The following FKBP3 variants were observed in gnomAD, a reference collection of about 807,000 sequenced individuals.
FKBP3 encodes peptidyl-prolyl cis-trans isomerase FKBP3.
FKBP3 carries 21 observed loss-of-function variants against 30.6 expected under a neutral mutation model. The observed-to-expected ratio is 0.69, with a 90% confidence interval of 0.49 to 0.99. The LOEUF is 0.99. Among genes scored for constraint, FKBP3 ranks in the 50% least tolerant of loss-of-function variants. FKBP3 has a pLI of 0.00. For synonymous variants in FKBP3, 82 were observed against 91.3 expected (o/e 0.90, Z 0.58); for missense variants, 283 against 261.6 (o/e 1.08, Z -0.56).
rs552142901 is a variant in FKBP3 at position 45,125,460 on chromosome 14, G to A, written c.319-3840C>T. ...CAAAGATGAAGTTATCAAATTTTTC[G>A]TTTGAGTACTTTTATACTGACTTCT... On this transcript the variant is annotated intron_variant, in intron 3 of 6. Coordinates refer to ENST00000396062, the MANE Select transcript of FKBP3 (RefSeq NM_002013.4). Among the ~76,000 whole-genome samples the A allele has an allele frequency of 1.8e-4, 28 of 152,240 alleles. No individual in the cohort carries two copies. In the South Asian group the frequency reaches 1.9e-3, roughly 10 times the overall value.
intron 4 of FKBP3, 129 bp downstream of exon 4, chr14:45,121,355 TG>T (rs936322383): frequency 1.4e-6 from 1 of 712,684 alleles, no homozygotes; most frequent in Non-Finnish European, 2.3e-6. Context: ...AAGTAGATCT[TG>T]GGGGAAAGTA....
chr14:45,121,384 G>A (rs2139078870), intron 4 of FKBP3, 101 bp downstream of exon 4: 2 of 904,034 alleles, frequency 2.2e-6, no homozygotes, highest in Non-Finnish European at 1.7e-6. Context: ...ATGAAAGTAG[G>A]TGACAGTCAG....
intron 2 of FKBP3, among the ~76,000 whole-genome samples, chr14:45,130,169 C>T (rs1360600356): frequency 6.6e-6 from 1 of 152,016 alleles, no homozygotes; most frequent in Non-Finnish European, 1.5e-5. Context: ...CAACTCATAC[C>T]CAGAGATATA....
At chr14:45,123,602 CTTTTTTTTTTTTTTTTTTT>C (rs200242313) in intron 3 of FKBP3, among the ~76,000 whole-genome samples, 5 of 84,302 alleles carry the variant, frequency 5.9e-5, no homozygotes, top group South Asian at 3.5e-4. Context: ...CTCTCTACTC[CTTTTTTTTTTTTTTTTTTT>C]TTTTTTTTTT....
In FKBP3 at chr14:45,130,716, G is replaced by T; in HGVS notation, c.193C>A (p.His65Asn). The change falls in exon 2 of 7, where the codon CAT (histidine) becomes AAT (asparagine). Residue 65 changes from histidine (H) to asparagine (N), a missense_variant. Physicochemically the swap from His to Asn is moderately conservative, Grantham distance 68. Coordinates refer to ENST00000396062, the MANE Select transcript of FKBP3 (RefSeq NM_002013.4). The part of the protein sequence containing the change: ...NKDHLVTAYN[H>N]LFETKRFKGT... ...ATACTCACCTTAGTTTCAAAAAGAT[G>T]GTTATAGGCTGTAACCAAGTGGTCC... The T allele has an allele frequency of 6.3e-7, 1 of 1,592,222 alleles. No individual in the cohort carries two copies. Among genetic ancestry groups the T allele is most frequent in the East Asian group, 2.3e-5 (1 of 44,256 alleles).
chr14:45,134,212 C>G (rs1885311305), intron 1 of FKBP3, 137 bp downstream of exon 1: 2 of 711,702 alleles, frequency 2.8e-6, no homozygotes, highest in Non-Finnish European at 4.8e-6. Flanking sequence ...ACAAGCTGGG[C>G]CTCTCCGGCC....
chr14:45,131,448 G>C (rs1371054223), intron 1 of FKBP3, among the ~76,000 whole-genome samples: 1 of 151,688 alleles, frequency 6.6e-6, no homozygotes, highest in Non-Finnish European at 1.5e-5. Context: ...CCTGGCCAAC[G>C]TGACAAAACC....
chr14:45,120,168 CTGAGAA>C (rs1884953150), intron 5 of FKBP3, among the ~76,000 whole-genome samples: 1 of 152,130 alleles, frequency 6.6e-6, no homozygotes, highest in African/African-American at 2.4e-5. Flanking sequence ...GTCTGATGTT[CTGAGAA>C]TAACAATTTA....
chr14:45,122,115 G>A (rs1410126791), intron 3 of FKBP3, among the ~76,000 whole-genome samples: 1 of 152,082 alleles, frequency 6.6e-6, no homozygotes, highest in African/African-American at 2.4e-5. Context: ...TCACACAATG[G>A]ATGAAATTAC....
At chr14:45,121,240 C>T (rs1165659136) in intron 4 of FKBP3, among the ~76,000 whole-genome samples, 2 of 152,178 alleles carry the variant, frequency 1.3e-5, no homozygotes, top group East Asian at 3.8e-4. Flanking sequence ...TAATGCCTTA[C>T]TTTGGGACAT....
At chr14:45,129,498 C>G (rs886804458) in intron 3 of FKBP3, among the ~76,000 whole-genome samples, 2 of 152,158 alleles carry the variant, frequency 1.3e-5, no homozygotes, top group Non-Finnish European at 2.9e-5. Context: ...GCTATAGAAT[C>G]AAGGCCTTAA....
intron 3 of FKBP3, 22 bp downstream of exon 3, chr14:45,129,771 TA>T: frequency 7.2e-7 from 1 of 1,394,712 alleles, no homozygotes. Flanking sequence ...CATGATAAAA[TA>T]AAAAAATAAT....
chr14:45,132,494 T>G (rs558744134), intron 1 of FKBP3, among the ~76,000 whole-genome samples: 9 of 152,100 alleles, frequency 5.9e-5, no homozygotes, highest in African/African-American at 1.9e-4. Flanking sequence ...CCCTCTTGGG[T>G]TGAAACGATT....
At chr14:45,116,325 G>GCTGA (rs1884833868) in intron 6 of FKBP3, 73 bp from the exon 7 acceptor site, 4 of 1,052,446 alleles carry the variant, frequency 3.8e-6, no homozygotes, top group Admixed American at 1.7e-5. Flanking sequence ...TGTAGGATAG[G>GCTGA]CTGACTAGAT....
intron 2 of FKBP3, 119 bp from the exon 3 acceptor site, chr14:45,130,020 C>A: frequency 4.0e-6 from 2 of 496,728 alleles, no homozygotes; most frequent in Non-Finnish European, 7.0e-6. Flanking sequence ...TTGTATAACA[C>A]AATTGTGAAT....
intron 3 of FKBP3, 122 bp from the exon 4 acceptor site, chr14:45,121,742 T>C (rs543247130): frequency 1.2e-5 from 13 of 1,109,600 alleles, no homozygotes; most frequent in East Asian, 4.8e-5. Flanking sequence ...TGGTAATAAA[T>C]AAACAAACAA....
rs576817746 is a variant in FKBP3 at position 45,134,461 on chromosome 14, C to G, written c.-5G>C. ...CTGTGGAACGGCCGCCGCCATCTTC[C>G]CCCGCTGCCTCCGCTTTACTGAGCC... is the stretch of plus-strand genomic sequence containing the variant. On this transcript the variant is annotated 5_prime_UTR_variant, in exon 1 of 7. Transcript: ENST00000396062. The G allele has an allele frequency of 3.1e-6, 5 of 1,609,868 alleles. No homozygotes were observed. The highest frequency in any genetic ancestry group is 4.2e-6 in the Non-Finnish European group (5 of 1,177,826).
intron 1 of FKBP3, among the ~76,000 whole-genome samples, chr14:45,133,105 C>T (rs1421807917): frequency 6.6e-6 from 1 of 152,160 alleles, no homozygotes; most frequent in East Asian, 1.9e-4. Context: ...AGGAAGAAGG[C>T]ACTGGAAGTT....
intron 3 of FKBP3, among the ~76,000 whole-genome samples, chr14:45,126,815 CTCTT>C (rs1885108609): frequency 6.6e-6 from 1 of 151,966 alleles, no homozygotes; most frequent in African/African-American, 2.4e-5. Flanking sequence ...ATGACCCTGT[CTCTT>C]TTTTTCTTTT....
Sources: gnomAD v4.1 joint callset for allele counts (sites outside exome capture counted in the v4.1 genomes callset) on GRCh38, gnomAD v4.1.1 for gene constraint, MANE v1.5 for transcripts, NCBI Gene and HGNC (gene_info 2026-07-23, HGNC 2026-07-21) for gene names.